Variants in SRGAP3 observed in about 807,000 individuals in gnomAD.
SRGAP3 encodes the protein SLIT-ROBO Rho GTPase-activating protein 3.
SRGAP3 carries 39 observed loss-of-function variants against 121.1 expected under a neutral mutation model. The observed-to-expected ratio is 0.32, with a 90% CI of 0.25 to 0.42. SRGAP3 has a LOEUF of 0.42. Among genes scored for constraint, SRGAP3 ranks in the 10% least tolerant of loss-of-function variants. The probability of loss-of-function intolerance (pLI) is 1.00; values close to 1 mark genes in which losing one functional copy is unlikely to be tolerated. For synonymous variants in SRGAP3, 601 were observed against 570.0 expected (o/e 1.05, Z -0.77); for missense variants, 1,213 against 1,470.6 (o/e 0.82, Z 2.86).
At chr3:8,986,902 C>T (rs1381016905) in intron 21 of SRGAP3, among the ~76,000 whole-genome samples, 2 of 152,236 alleles carry the variant, frequency 1.3e-5, no homozygotes, top group African/African-American at 4.8e-5. Context: ...AGCCCGGGCT[C>T]ACCATGCCAC....
intron 1 of SRGAP3, among the ~76,000 whole-genome samples, chr3:9,233,567 C>A (rs780608515): frequency 8.5e-5 from 13 of 152,168 alleles, no homozygotes; most frequent in African/African-American, 3.1e-4. Flanking sequence ...AAGCACTGAT[C>A]TTTCTGACCC....
At chr3:9,202,099 G>C (rs981768227) in intron 1 of SRGAP3, among the ~76,000 whole-genome samples, 1 of 152,150 alleles carries the variant, frequency 6.6e-6, no homozygotes, top group Non-Finnish European at 1.5e-5. Flanking sequence ...TATAACAAAA[G>C]CTATTTGTGG....
At chr3:9,214,219 A>G (rs1952542441) in intron 1 of SRGAP3, among the ~76,000 whole-genome samples, 1 of 152,158 alleles carries the variant, frequency 6.6e-6, no homozygotes, top group Non-Finnish European at 1.5e-5. Context: ...AAGCTTAATA[A>G]ATATTTTCTG....
At chr3:9,307,351 G>A (rs1017562318) in intron 3 of SRGAP3, among the ~76,000 whole-genome samples, 3 of 152,192 alleles carry the variant, frequency 2.0e-5, no homozygotes, top group Non-Finnish European at 4.4e-5. Context: ...TTTAGCCTGT[G>A]AACAGCCAGG....
intron 14 of SRGAP3, among the ~76,000 whole-genome samples, chr3:9,016,597 G>A (rs879664940): frequency 7.2e-5 from 11 of 152,110 alleles, no homozygotes; most frequent in Non-Finnish European, 1.5e-4. Flanking sequence ...ACATTATAAA[G>A]GTATTTTCCC....
At chr3:9,265,837 A>G (rs144760494) in intron 3 of SRGAP3, among the ~76,000 whole-genome samples, 3,198 of 152,326 alleles carry the variant, frequency 0.021, 117 homozygotes, top group African/African-American at 0.071. Context: ...ATCTAGATCC[A>G]GAAATACCAT....
At chr3:9,327,814 G>C (rs924456781) in intron 2 of SRGAP3, among the ~76,000 whole-genome samples, 2 of 152,178 alleles carry the variant, frequency 1.3e-5, no homozygotes, top group Non-Finnish European at 2.9e-5. Context: ...GACTTACACA[G>C]ACCATGTATG....
intron 3 of SRGAP3, among the ~76,000 whole-genome samples, chr3:9,101,922 A>G (rs544115958): frequency 3.3e-5 from 5 of 152,346 alleles, no homozygotes; most frequent in Admixed American, 3.3e-4. Context: ...TCATAAGAAC[A>G]GACTCCACTG....
At chr3:9,119,127 C>T (rs774122215) in intron 2 of SRGAP3, among the ~76,000 whole-genome samples, 7 of 152,190 alleles carry the variant, frequency 4.6e-5, no homozygotes, top group South Asian at 4.1e-4. Context: ...AGTAAACAGA[C>T]GATGACAATA....
chr3:9,028,002 C>T, intron 12 of SRGAP3: 3 of 1,399,892 alleles, frequency 2.1e-6, no homozygotes, highest in Non-Finnish European at 3.0e-6. Flanking sequence ...GAATATGGAC[C>T]CATCAGCAAC....
chr3:9,352,376 T>A (rs1333661440), intron 1 of SRGAP3, among the ~76,000 whole-genome samples: 2 of 150,928 alleles, frequency 1.3e-5, no homozygotes, highest in African/African-American at 4.9e-5. Context: ...CAGCTTCAAG[T>A]GATTCTCCTG....
intron 1 of SRGAP3, among the ~76,000 whole-genome samples, chr3:9,204,926 C>A (rs2125165880): frequency 6.6e-6 from 1 of 152,360 alleles, no homozygotes; most frequent in Admixed American, 6.5e-5. Context: ...ACGTTACTGG[C>A]AGCAATGCCC....
chr3:9,146,744 G>C (rs562918600), intron 1 of SRGAP3, among the ~76,000 whole-genome samples: 1 of 152,268 alleles, frequency 6.6e-6, no homozygotes, highest in Admixed American at 6.5e-5. Context: ...AGAGCACCAG[G>C]ACCAGGTGCT....
chr3:9,228,328 C>T (rs1212798978), intron 1 of SRGAP3, among the ~76,000 whole-genome samples: 2 of 152,160 alleles, frequency 1.3e-5, no homozygotes, highest in Non-Finnish European at 2.9e-5. Flanking sequence ...TTTAAAAAGT[C>T]AGAAATGCAG....
chr3:9,309,220 G>C (rs1488576967), intron 3 of SRGAP3, among the ~76,000 whole-genome samples: 1 of 152,178 alleles, frequency 6.6e-6, no homozygotes, highest in Non-Finnish European at 1.5e-5. Flanking sequence ...GGGACCTTGG[G>C]TGAGACCAGC....
At chr3:9,173,305 G>A (rs1235738967) in intron 1 of SRGAP3, among the ~76,000 whole-genome samples, 1 of 152,230 alleles carries the variant, frequency 6.6e-6, no homozygotes, top group African/African-American at 2.4e-5. Context: ...TGCCGGGGCT[G>A]TGCCTGACTC....
intron 3 of SRGAP3, among the ~76,000 whole-genome samples, chr3:9,275,821 G>A (rs1189546350): frequency 6.6e-6 from 1 of 152,120 alleles, no homozygotes; most frequent in East Asian, 1.9e-4. Flanking sequence ...TCAGCAGCAT[G>A]AAAACAAACT....
At chr3:9,184,725 G>A (rs1204271675) in intron 1 of SRGAP3, among the ~76,000 whole-genome samples, 1 of 152,130 alleles carries the variant, frequency 6.6e-6, no homozygotes, top group East Asian at 1.9e-4. Context: ...GGTAAAGAAC[G>A]AACTAGGTGC....
At chr3:9,233,176 A>G (rs1211211399) in intron 1 of SRGAP3, among the ~76,000 whole-genome samples, 1 of 152,234 alleles carries the variant, frequency 6.6e-6, no homozygotes, top group Admixed American at 6.5e-5. Flanking sequence ...TTACCCACAC[A>G]CACAGTGAGG....
Sources: gnomAD v4.1 joint callset for allele counts (sites outside exome capture counted in the v4.1 genomes callset) on GRCh38, gnomAD v4.1.1 for gene constraint, MANE v1.5 for transcripts, NCBI Gene and HGNC (gene_info 2026-07-23, HGNC 2026-07-21) for gene names.